USP9X: variants seen among roughly 807,000 people sequenced by gnomAD.
USP9X encodes the protein ubiquitin carboxyl-terminal hydrolase 9X.
Under a neutral mutation model 190.3 loss-of-function variants are expected in USP9X, and 7 were observed. That is an observed-to-expected ratio of 0.04 (90% CI 0.02 to 0.07). USP9X has a LOEUF of 0.07. Ranked by LOEUF, USP9X falls within the 10% of genes least tolerant of loss-of-function variation. The pLI, the probability that USP9X is intolerant of heterozygous loss-of-function variation, is 1.00. For synonymous variants in USP9X, 645 were observed against 659.5 expected, an observed-to-expected ratio of 0.98 and a Z score of 0.34; for missense variants, 1,010 against 1,916.9, an observed-to-expected ratio of 0.53 and a Z score of 8.83.
chrX:41,216,294 A>G lies in USP9X; in HGVS notation c.5727A>G (p.Lys1909=), dbSNP rs1363096463. Residue 1909 remains lysine, a synonymous_variant, in exon 35 of 45, where the codon AAA becomes AAG. Coordinates refer to ENST00000378308, the MANE Select transcript of USP9X (RefSeq NM_001039591.3). ...KFDDGDVTEC[K]MDDDEEMKNQ... ...ATGATGGTGATGTAACAGAATGTAA[A>G]ATGGATGATGACGAAGAAATGAAAA... 13 of 1,211,959 alleles carry G rather than the reference A, an allele frequency of 1.1e-5. No individual in the cohort carries two copies. The highest frequency in any genetic ancestry group is 3.0e-5 in the East Asian group (1 of 33,874).
intron 2 of USP9X, among the ~76,000 whole-genome samples, chrX:41,125,684 A>ACACACACACC: frequency 5.3e-5 from 1 of 19,027 alleles, no homozygotes; most frequent in African/African-American, 2.2e-4. Context: ...ACACACACAC[A>ACACACACACC]CTCTCTCTCT....
intron 26 of USP9X, among the ~76,000 whole-genome samples, chrX:41,193,073 A>G (rs1284254104): frequency 9.0e-6 from 1 of 111,292 alleles, no homozygotes; most frequent in Non-Finnish European, 1.9e-5. Flanking sequence ...ATGTCCAGGC[A>G]TGTCAGGAAC....
chrX:41,233,483 A>T lies in USP9X; in HGVS notation c.*959A>T, dbSNP rs1364504755. 1 of 112,425 alleles carries T rather than the reference A, an allele frequency of 8.9e-6. No individual in the cohort carries two copies. The highest frequency in any genetic ancestry group is 1.9e-5 in the Non-Finnish European group (1 of 53,274). The allele number at this position is 112,425 out of a possible 1,213,427, so 9.3% of individuals were successfully genotyped here. On this transcript the variant is annotated 3_prime_UTR_variant, in exon 45 of 45. Coordinates refer to ENST00000378308, the MANE Select transcript of USP9X (RefSeq NM_001039591.3). ...ATGCCAAGATGCTGGAGCATAATAT[A>T]AGACTGTATTTGGTGTGCTTGTTTT... is the stretch of plus-strand genomic sequence containing the variant.
chrX:41,149,618 C>T (rs1383751283), intron 12 of USP9X, among the ~76,000 whole-genome samples: 1 of 109,905 alleles, frequency 9.1e-6, no homozygotes, highest in African/African-American at 3.3e-5. Flanking sequence ...AATTTCTTCT[C>T]GGAAATAGTG....
chrX:41,089,903 G>GTTTTTTTTT lies in USP9X; in HGVS notation c.-159+3814_-159+3822dup, dbSNP rs139093155. The stretch of plus-strand genomic sequence containing the variant: ...CTATAGGAGTTTAGGATCTATGAGG[G>GTTTTTTTTT]TTTTTTTTTTTTTTTTTTTTTTTTT... On this transcript the variant is annotated intron_variant, in intron 1 of 44. Transcript: ENST00000378308. Among the ~76,000 whole-genome samples, 169 of 30,364 alleles carry GTTTTTTTTT rather than the reference G, an allele frequency of 5.6e-3. 14 individuals are homozygous for GTTTTTTTTT. Among genetic ancestry groups the GTTTTTTTTT allele is most frequent in the East Asian group, 7.9e-3 (7 of 889 alleles). 26.4% of individuals were successfully genotyped at this position (30,364 alleles called of 115,157 possible).
intron 32 of USP9X, 115 bp downstream of exon 32, chrX:41,205,608 A>T: frequency 4.6e-6 from 3 of 658,754 alleles, no homozygotes; most frequent in Non-Finnish European, 6.4e-6. Flanking sequence ...CACTGGTAAT[A>T]TTCAAACTGT....
At chrX:41,104,144 A>G (rs770577003) in intron 1 of USP9X, among the ~76,000 whole-genome samples, 15 of 111,699 alleles carry the variant, frequency 1.3e-4, no homozygotes, top group South Asian at 3.7e-4. Flanking sequence ...ATGGCTCACT[A>G]TAGCCTTGAA....
chrX:41,218,596 A>T lies in USP9X; in HGVS notation c.6434A>T (p.Gln2145Leu). The T allele has an allele frequency of 1.7e-6, 2 of 1,196,400 alleles. No individual in the cohort carries two copies. Among genetic ancestry groups the T allele is most frequent in the Non-Finnish European group, 2.3e-6 (2 of 882,513 alleles). Residue 2145 changes from glutamine (Q) to leucine (L), a missense_variant and splice_region_variant, in exon 37 of 45, where the codon CAG (glutamine) becomes CTG (leucine). This residue lies in a region of USP9X where 121 missense variants were observed against 281.2 expected (regional missense o/e 0.43). Coordinates refer to ENST00000378308, the MANE Select transcript of USP9X (RefSeq NM_001039591.3). Reference protein sequence around the residue: ...SPFASPGPSSQAYDNLSLSDH... With the variant: ...SPFASPGPSSLAYDNLSLSDH... Reference sequence around the variant, plus strand: ...TTTGCCTCTCCTGGACCTTCTAGTCAGGTAATTGCACAGCTTTCTTTCTAA... The same window carrying T: ...TTTGCCTCTCCTGGACCTTCTAGTCTGGTAATTGCACAGCTTTCTTTCTAA...
At chrX:41,145,333 C>T (rs2062455003) in intron 11 of USP9X, among the ~76,000 whole-genome samples, 1 of 112,134 alleles carries the variant, frequency 8.9e-6, no homozygotes, top group Non-Finnish European at 1.9e-5. Context: ...GTTTAAGATT[C>T]TCATAACTCA....
In USP9X at chrX:41,150,901, A is replaced by G; in HGVS notation, c.1627-20A>G. 2 of 1,190,755 alleles carry G rather than the reference A, an allele frequency of 1.7e-6. No homozygotes were observed. The highest frequency in any genetic ancestry group is 2.3e-6 in the Non-Finnish European group (2 of 885,295). ...TCCTGAGTATTGATCTATTTAAAAC[A>G]TTGAAATCATTTGTTTAAGGACCGT... On this transcript the variant is annotated intron_variant, in intron 12 of 44. Coordinates refer to ENST00000378308, the MANE Select transcript of USP9X (RefSeq NM_001039591.3).
intron 20 of USP9X, 120 bp from the exon 21 acceptor site, chrX:41,171,718 C>A (rs1260699158): frequency 2.3e-6 from 2 of 883,173 alleles, no homozygotes; most frequent in Non-Finnish European, 3.3e-6. Flanking sequence ...CAGACTATTT[C>A]AAAGAGTAGA....
Position 41,184,567 on chromosome X carries a change from T to C in USP9X, c.3450T>C (p.Asn1150=). 1 of 1,211,896 alleles carries C rather than the reference T, an allele frequency of 8.3e-7. No individual in the cohort carries two copies. The highest frequency in any genetic ancestry group is 1.8e-5 in the South Asian group (1 of 56,989). The change falls in exon 23 of 45, where the codon AAT becomes AAC. Residue 1150 remains asparagine (N), a synonymous_variant. Transcript: ENST00000378308. ...DMETRRGAYL[N]ALKIAKLLLT... The stretch of plus-strand genomic sequence containing the variant: ...AAACTCGAAGGGGTGCCTACCTCAA[T>C]GCTCTTAAAATAGCCAAGCTTTTGC...
intron 3 of USP9X, among the ~76,000 whole-genome samples, chrX:41,129,637 A>G (rs1271045779): frequency 3.6e-5 from 4 of 112,060 alleles, no homozygotes. Context: ...CACTTTGATT[A>G]TTTAGAGGAA....
At chrX:41,117,703 G>T (rs751569374) in intron 1 of USP9X, among the ~76,000 whole-genome samples, 1 of 104,948 alleles carries the variant, frequency 9.5e-6, no homozygotes, top group Non-Finnish European at 1.9e-5. Context: ...TCAGCCTCCC[G>T]AGTAGCTGGG....
chrX:41,172,341 C>A (rs1470636281), intron 21 of USP9X, among the ~76,000 whole-genome samples: 1 of 111,939 alleles, frequency 8.9e-6, no homozygotes, highest in East Asian at 2.8e-4. Context: ...GCTTAACTTT[C>A]CTGGCCCTTT....
chrX:41,163,717 C>G (rs1324442551), intron 15 of USP9X, among the ~76,000 whole-genome samples: 1 of 102,603 alleles, frequency 9.7e-6, no homozygotes, highest in African/African-American at 3.6e-5. Flanking sequence ...TGCACCACTG[C>G]ACTCCAGACC....
At chrX:41,155,841 C>T (rs934006211) in intron 14 of USP9X, among the ~76,000 whole-genome samples, 44 of 111,919 alleles carry the variant, frequency 3.9e-4, no homozygotes, top group African/African-American at 1.3e-3. Flanking sequence ...GGGAAAGTAC[C>T]ACATGATCCT....
intron 38 of USP9X, among the ~76,000 whole-genome samples, chrX:41,219,991 GCAAA>G (rs1176430192): frequency 1.8e-5 from 2 of 111,517 alleles, no homozygotes; most frequent in Non-Finnish European, 3.8e-5. Context: ...TCTCCAAAAA[GCAAA>G]CAAACCAAAA....
intron 38 of USP9X, 123 bp downstream of exon 38, chrX:41,219,354 G>T: frequency 1.4e-6 from 1 of 735,043 alleles, no homozygotes; most frequent in Non-Finnish European, 1.9e-6. Context: ...AAAACCTGTT[G>T]TGAATTTTAT....
Sources: allele counts gnomAD v4.1 joint callset (sites outside exome capture counted in the v4.1 genomes callset), GRCh38; gene constraint gnomAD v4.1.1; regional missense constraint gnomAD v4.1.1; transcripts MANE v1.5; gene names NCBI Gene and HGNC (gene_info 2026-07-23, HGNC 2026-07-21).